Variants in PLEKHG1 observed in about 807,000 individuals in gnomAD.
The protein encoded by PLEKHG1 is pleckstrin homology and RhoGEF domain containing G1, also known as pleckstrin homology domain-containing family G member 1.
In PLEKHG1, 44 loss-of-function variants were observed where a neutral mutation model predicts 100.8. The observed-to-expected ratio is 0.44, with a 90% CI of 0.34 to 0.56. The LOEUF (loss-of-function observed/expected upper bound fraction) is 0.56. Among genes scored for constraint, PLEKHG1 ranks in the 20% least tolerant of loss-of-function variants. The pLI is 0.01. For synonymous variants in PLEKHG1, 640 were observed against 662.5 expected, an observed-to-expected ratio of 0.97 and a Z score of 0.52; for missense variants, 1,545 against 1,720.9, an observed-to-expected ratio of 0.90 and a Z score of 1.81.
intron 3 of PLEKHG1, among the ~76,000 whole-genome samples, chr6:150,693,091 C>A (rs1254083291): frequency 6.6e-6 from 1 of 152,114 alleles, no homozygotes; most frequent in African/African-American, 2.4e-5. Context: ...AGTTCGAAAC[C>A]AGCCTGGCCA....
intron 1 of PLEKHG1, among the ~76,000 whole-genome samples, chr6:150,619,381 G>T (rs1223337358): frequency 6.6e-6 from 1 of 152,156 alleles, no homozygotes; most frequent in Non-Finnish European, 1.5e-5. Flanking sequence ...CTGCCTTGTA[G>T]AGTCTTTTTA....
intron 1 of PLEKHG1, among the ~76,000 whole-genome samples, chr6:150,618,007 A>G (rs1258554069): frequency 6.6e-6 from 1 of 152,244 alleles, no homozygotes; most frequent in East Asian, 1.9e-4. Flanking sequence ...CACATGAGCC[A>G]TTACATATAC....
At chr6:150,780,213 G>A (rs1364273959) in intron 3 of PLEKHG1, among the ~76,000 whole-genome samples, 16 of 145,802 alleles carry the variant, frequency 1.1e-4, no homozygotes, top group African/African-American at 4.1e-4. Context: ...TCAGCTCACT[G>A]CAACCTCCAC....
chr6:150,840,939 C>A, exon 16 of PLEKHG1: 1 of 1,439,548 alleles, frequency 6.9e-7, no homozygotes, highest in Non-Finnish European at 9.7e-7. Flanking sequence ...TTATTTTGCT[C>A]ATAAAACGTT....
chr6:150,613,341 G>C (rs533808220), intron 1 of PLEKHG1, among the ~76,000 whole-genome samples: 1 of 152,310 alleles, frequency 6.6e-6, no homozygotes, highest in African/African-American at 2.4e-5. Flanking sequence ...TTTATGTATA[G>C]CATGTATCAA....
At chr6:150,806,729 G>A (rs1449783406) in intron 7 of PLEKHG1, among the ~76,000 whole-genome samples, 4 of 149,722 alleles carry the variant, frequency 2.7e-5, no homozygotes, top group Non-Finnish European at 5.9e-5. Flanking sequence ...TTGGGAGGCT[G>A]AGGTGGGAGA....
At chr6:150,702,078 C>T (rs1380791496) in intron 3 of PLEKHG1, among the ~76,000 whole-genome samples, 4 of 152,158 alleles carry the variant, frequency 2.6e-5, no homozygotes, top group Non-Finnish European at 4.4e-5. Context: ...ACTAGTTGAG[C>T]GATTATACTT....
rs970070228 is a variant in PLEKHG1, at chr6:150,637,754, T to C, written c.-203-326T>C. 2.0e-5 allele frequency among the ~76,000 whole-genome samples: 3 copies of C among 152,182 alleles called. No homozygotes were observed. The South Asian group carries it at 6.2e-4, about 32-fold the overall frequency. ...ATCCTTAGTTCTAAAATTTCACCAC[T>C]ATCTTTTTGTCATCGGTCCTTTTAT... On this transcript the variant is annotated intron_variant, in intron 1 of 3. Transcript: ENST00000367326.
chr6:150,624,881 A>T (rs977766599), intron 1 of PLEKHG1: 1 of 152,206 alleles, frequency 6.6e-6, no homozygotes, highest in African/African-American at 2.4e-5. Flanking sequence ...TATAATGGAT[A>T]AAATTTGGTT....
chr6:150,647,216 A>C (rs1459773149), intron 2 of PLEKHG1, among the ~76,000 whole-genome samples: 1 of 152,228 alleles, frequency 6.6e-6, no homozygotes, highest in Non-Finnish European at 1.5e-5. Context: ...ATTAAAAGCC[A>C]CTTTACCTAG....
chr6:150,810,538 G>GAAA lies in PLEKHG1; in HGVS notation c.1278+804_1278+805insAAA, dbSNP rs1491358599. ...AAAAAGAAAGAAAGAAAGAAAGAAA[G>GAAA]GAAGAAAGGAAGGAAAGAAAGAAAG... On this transcript the variant is annotated intron_variant, in intron 10 of 15. Coordinates refer to ENST00000358517, the Ensembl canonical transcript of PLEKHG1. Among the ~76,000 whole-genome samples the GAAA allele has an allele frequency of 6.1e-3, 697 of 114,434 alleles. 9 individuals carry two copies. Among genetic ancestry groups the GAAA allele is most frequent in the African/African-American group, 0.02 (658 of 33,032 alleles). The allele number at this position is 114,434 out of a possible 152,430, so 75.1% of individuals were successfully genotyped here.
At chr6:150,779,996 C>T (rs1028400776) in intron 3 of PLEKHG1, among the ~76,000 whole-genome samples, 25 of 151,496 alleles carry the variant, frequency 1.7e-4, no homozygotes, top group Admixed American at 1.4e-3. Flanking sequence ...TGATGGAGTC[C>T]GCTCACAGTT....
chr6:150,771,379 T>G (rs1194475518), intron 3 of PLEKHG1, among the ~76,000 whole-genome samples: 2 of 151,520 alleles, frequency 1.3e-5, no homozygotes, highest in Non-Finnish European at 2.9e-5. Flanking sequence ...ATCGCGCCAC[T>G]GCACTCCAGC....
At position 150,674,632 on chromosome 6, in the gene PLEKHG1, CCTCTCTCTCTCTCTCTCT is replaced by C. The variant is rs756355880; in HGVS notation, c.-99+23880_-99+23897del. On this transcript the variant is annotated intron_variant, in intron 3 of 3. Transcript: ENST00000367326. ...CACCTGTAACTTTCTCTCTCTCCTC[CCTCTCTCTCTCTCTCTCT>C]CTCTCTCTCTCTCTCTCTCTCTCTC... Among the ~76,000 whole-genome samples, 11 of 66,342 alleles carry C rather than the reference CCTCTCTCTCTCTCTCTCT, an allele frequency of 1.7e-4. 1 individual carries two copies. Among genetic ancestry groups the C allele is most frequent in the African/African-American group, 4.8e-4 (7 of 14,686 alleles). 43.5% of individuals were successfully genotyped at this position (66,342 alleles called of 152,430 possible). A position where few individuals can be genotyped will look rare whatever the true frequency, so the allele number is the denominator to read the frequency against.
At chr6:150,691,895 A>G (rs1042813591) in intron 3 of PLEKHG1, among the ~76,000 whole-genome samples, 7 of 152,220 alleles carry the variant, frequency 4.6e-5, no homozygotes, top group Admixed American at 3.9e-4. Context: ...ATATGACTGA[A>G]CCACTGTAAG....
intron 3 of PLEKHG1, among the ~76,000 whole-genome samples, chr6:150,781,664 A>G (rs1242122615): frequency 6.6e-6 from 1 of 152,192 alleles, no homozygotes; most frequent in African/African-American, 2.4e-5. Flanking sequence ...AAAGAAAATG[A>G]TATAAATATC....
At chr6:150,766,131 T>G (rs975086639) in intron 2 of PLEKHG1, among the ~76,000 whole-genome samples, 7 of 152,220 alleles carry the variant, frequency 4.6e-5, no homozygotes, top group Non-Finnish European at 8.8e-5. Flanking sequence ...AGAACATCAT[T>G]CAAATGGTGA....
At chr6:150,786,500 C>G (rs754017482) in intron 4 of PLEKHG1, 41 bp downstream of exon 5, 24 of 1,279,752 alleles carry the variant, frequency 1.9e-5, no homozygotes, top group Non-Finnish European at 2.5e-5. Flanking sequence ...GAGACAGATA[C>G]AGAGTACAGA....
chr6:150,804,733 C>T (rs767433067), exon 7 of PLEKHG1: 16 of 1,612,770 alleles, frequency 9.9e-6, no homozygotes, highest in Non-Finnish European at 1.3e-5. Context: ...GCACGCGGTC[C>T]GGTTACAGGT....
Sources: allele counts gnomAD v4.1 joint callset (sites outside exome capture counted in the v4.1 genomes callset), GRCh38; gene constraint gnomAD v4.1.1; transcripts MANE v1.5; gene names NCBI Gene and HGNC (gene_info 2026-07-23, HGNC 2026-07-21).